The following GLIS1 variants were observed in gnomAD, a reference collection of about 807,000 sequenced individuals.
The protein encoded by GLIS1 is zinc finger protein GLIS1.
In GLIS1, 24 loss-of-function variants were observed where a neutral mutation model predicts 63.8. That is an observed-to-expected ratio of 0.38 (90% CI 0.27 to 0.53). The LOEUF is 0.53. Among genes scored for constraint, GLIS1 ranks in the 20% least tolerant of loss-of-function variants. GLIS1 has a pLI of 0.85. For synonymous variants in GLIS1, 450 were observed against 482.5 expected, an observed-to-expected ratio of 0.93 and a Z score of 0.88; for missense variants, 1,036 against 1,074.1, an observed-to-expected ratio of 0.96 and a Z score of 0.50.
chr1:53,612,975 C>G (rs902714998), intron 2 of GLIS1, among the ~76,000 whole-genome samples: 1 of 152,240 alleles, frequency 6.6e-6, no homozygotes, highest in East Asian at 1.9e-4. Flanking sequence ...CCCACCACCA[C>G]GTGCGGCTAA....
rs942131921 is a variant in GLIS1 at position 53,531,248 on chromosome 1, G to T, written c.1321-1296C>A. Among the ~76,000 whole-genome samples, 4 of 152,200 alleles carry T rather than the reference G, an allele frequency of 2.6e-5. No homozygotes were observed. In the East Asian group the frequency reaches 5.8e-4, roughly 22 times the overall value. On this transcript the variant is annotated intron_variant, in intron 4 of 10. Coordinates refer to ENST00000628545, the MANE Select transcript of GLIS1 (RefSeq NM_001367484.1). Reference sequence around the variant, plus strand: ...TCCAGGGCTGAACAGCCAACCATGAGCACCTAACCCAGATTAGGGCCCATG... The same window carrying T: ...TCCAGGGCTGAACAGCCAACCATGATCACCTAACCCAGATTAGGGCCCATG...
intron 7 of GLIS1, 35 bp from the exon 8 acceptor site, chr1:53,514,816 G>T: frequency 6.5e-7 from 1 of 1,549,682 alleles, no homozygotes; most frequent in Non-Finnish European, 8.7e-7. Context: ...CTGGACTCTG[G>T]CCACTCCCTA....
At chr1:53,610,604 G>A (rs370853043) in intron 2 of GLIS1, among the ~76,000 whole-genome samples, 7 of 152,060 alleles carry the variant, frequency 4.6e-5, no homozygotes, top group African/African-American at 9.7e-5. Flanking sequence ...TTTTCTCTCC[G>A]TGTTTTGTTT....
At chr1:53,651,295 T>C (rs567758305) in intron 2 of GLIS1, among the ~76,000 whole-genome samples, 24 of 152,352 alleles carry the variant, frequency 1.6e-4, no homozygotes, top group Non-Finnish European at 3.1e-4. Flanking sequence ...TTAAAATTAA[T>C]TCAATGAAAA....
intron 8 of GLIS1, among the ~76,000 whole-genome samples, chr1:53,512,339 T>C (rs1427515653): frequency 6.6e-6 from 1 of 152,228 alleles, no homozygotes; most frequent in Non-Finnish European, 1.5e-5. Flanking sequence ...CCTGGCAGAC[T>C]GAGGGCTTCA....
intron 2 of GLIS1, chr1:53,688,813 G>C: frequency 6.6e-6 from 1 of 152,316 alleles, no homozygotes; most frequent in Admixed American, 6.5e-5. Flanking sequence ...TGCACCACTC[G>C]TTTTTCAATT....
chr1:53,578,873 C>T (rs1251835303), intron 4 of GLIS1, among the ~76,000 whole-genome samples: 1 of 152,202 alleles, frequency 6.6e-6, no homozygotes, highest in East Asian at 1.9e-4. Flanking sequence ...CCACCTACCC[C>T]TTTTCACAGA....
In GLIS1 at chr1:53,574,037, C is replaced by A. The variant is rs903541933; in HGVS notation, c.1320+20071G>T. The stretch of plus-strand genomic sequence containing the variant: ...GCCAGCCAGCTCCTGCAAAGATAGA[C>A]CAACTGCTGCTCCATCCTGCAGCCG... On this transcript the variant is annotated intron_variant, in intron 4 of 10. Transcript: ENST00000628545. This position sits in a 1 kb window ranked among gnomAD's most constrained non-coding sequence, Gnocchi z 4.2. 2.0e-5 allele frequency among the ~76,000 whole-genome samples: 3 copies of A among 152,180 alleles called. No homozygotes were observed. Among genetic ancestry groups the A allele is most frequent in the Admixed American group, 2.0e-4 (3 of 15,278 alleles).
In GLIS1 at chr1:53,626,376, C is replaced by T. The variant is rs185886641; in HGVS notation, c.260-26098G>A. Among the ~76,000 whole-genome samples the T allele has an allele frequency of 5.8e-4, 89 of 152,266 alleles. 1 individual carries two copies. Among genetic ancestry groups the T allele is most frequent in the African/African-American group, 2.0e-3 (84 of 41,546 alleles). On this transcript the variant is annotated intron_variant, in intron 2 of 10. Transcript: ENST00000628545. Reference sequence around the variant, plus strand: ...CAGCAGCCTCAGCCTTTGCACACTGCCACCTCATCTCAGGAACCCCCTTCT... The same window carrying T: ...CAGCAGCCTCAGCCTTTGCACACTGTCACCTCATCTCAGGAACCCCCTTCT...
Position 53,529,987 on chromosome 1 carries a change from C to T in GLIS1, c.1321-35G>A, listed in dbSNP as rs373282040. On this transcript the variant is annotated intron_variant, in intron 4 of 10. Coordinates refer to ENST00000628545, the MANE Select transcript of GLIS1 (RefSeq NM_001367484.1). ...AGGCTGGTGAGGGGAACTCCCAGCC[C>T]GGTGGGCACCCCAACCCTGCATGGA... 1.4e-5 allele frequency: 22 copies of T among 1,599,308 alleles called. 1 individual carries two copies. Among genetic ancestry groups the T allele is most frequent in the South Asian group, 7.8e-5 (7 of 89,946 alleles).
rs762603966 is a variant in GLIS1 at position 53,514,830 on chromosome 1, A to G, written c.1727-49T>C. The G allele has an allele frequency of 4.6e-6, 7 of 1,505,406 alleles. No homozygotes were observed. The East Asian group carries it at 1.4e-4, about 31-fold the overall frequency. The allele number at this position is 1,505,406 out of a possible 1,614,324, so 93.3% of individuals were successfully genotyped here. A position where few individuals can be genotyped will look rare whatever the true frequency, so the allele number is the denominator to read the frequency against. On this transcript the variant is annotated intron_variant, in intron 7 of 10. Coordinates refer to ENST00000628545, the MANE Select transcript of GLIS1 (RefSeq NM_001367484.1). The stretch of plus-strand genomic sequence containing the variant: ...ACTGGACTCTGGCCACTCCCTAGAG[A>G]TGGTTGTGATGGCCCAGGAGCTGTG...
At chr1:53,678,367 G>C (rs1646239032) in intron 2 of GLIS1, among the ~76,000 whole-genome samples, 1 of 150,468 alleles carries the variant, frequency 6.6e-6, no homozygotes, top group Non-Finnish European at 1.5e-5. Context: ...CGGGGTCACT[G>C]CCTCAGAATG....
chr1:53,537,645 C>T (rs1161020442), intron 4 of GLIS1, among the ~76,000 whole-genome samples: 1 of 152,172 alleles, frequency 6.6e-6, no homozygotes, highest in African/African-American at 2.4e-5. Flanking sequence ...TAGCTGGTGC[C>T]TAATGAATGT....
In GLIS1 at chr1:53,655,279, T is replaced by C. The variant is rs564995030; in HGVS notation, c.260-55001A>G. 2.0e-5 allele frequency among the ~76,000 whole-genome samples: 3 copies of C among 152,356 alleles called. No homozygotes were observed. In the South Asian group the frequency reaches 6.2e-4, roughly 32 times the overall value. Reference sequence around the variant, plus strand: ...TTTTAACCCCTTCCCTAAATGTTTCTTATGCACACTGAGGTTTGATAATCA... The same window carrying C: ...TTTTAACCCCTTCCCTAAATGTTTCCTATGCACACTGAGGTTTGATAATCA... On this transcript the variant is annotated intron_variant, in intron 2 of 10. Transcript: ENST00000628545.
At chr1:53,702,669 A>T (rs994798438) in intron 2 of GLIS1, among the ~76,000 whole-genome samples, 12 of 152,252 alleles carry the variant, frequency 7.9e-5, no homozygotes, top group Admixed American at 5.2e-4. Flanking sequence ...GCCACTTGAC[A>T]GTCTGCCCTG....
At chr1:53,694,305 A>G (rs990445582) in intron 2 of GLIS1, among the ~76,000 whole-genome samples, 4 of 152,166 alleles carry the variant, frequency 2.6e-5, no homozygotes, top group Non-Finnish European at 4.4e-5. Context: ...CACACAGCAC[A>G]CCGTAGGTGC....
At chr1:53,566,709 T>A (rs1303243430) in intron 4 of GLIS1, among the ~76,000 whole-genome samples, 2 of 152,182 alleles carry the variant, frequency 1.3e-5, no homozygotes, top group Non-Finnish European at 2.9e-5. Context: ...CAAGATCTGA[T>A]TGTTTAAAAG....
At chr1:53,605,641 T>G (rs1645362762) in intron 2 of GLIS1, among the ~76,000 whole-genome samples, 1 of 152,238 alleles carries the variant, frequency 6.6e-6, no homozygotes, top group Admixed American at 6.5e-5. Flanking sequence ...GAGAAATCCT[T>G]CAGGACAAGG....
intron 2 of GLIS1, among the ~76,000 whole-genome samples, chr1:53,632,272 G>C (rs947762508): frequency 2.0e-5 from 3 of 150,400 alleles, no homozygotes; most frequent in African/African-American, 7.4e-5. Context: ...AGGGGCATGT[G>C]AATGAGTGTG....
Sources: gnomAD v4.1 joint callset for allele counts (sites outside exome capture counted in the v4.1 genomes callset) on GRCh38, gnomAD v4.1.1 for gene constraint, Gnocchi (gnomAD v3.1) non-coding constraint, MANE v1.5 for transcripts, NCBI Gene and HGNC (gene_info 2026-07-23, HGNC 2026-07-21) for gene names.